The following SORCS2 variants were observed in gnomAD, a reference collection of about 807,000 sequenced individuals.
SORCS2 encodes VPS10 domain-containing receptor SorCS2.
A neutral mutation model predicts 141.6 loss-of-function variants in SORCS2; 100 were observed. The observed-to-expected ratio is 0.71, with a 90% confidence interval of 0.60 to 0.83. The LOEUF (loss-of-function observed/expected upper bound fraction) is 0.83. Among genes scored for constraint, SORCS2 ranks in the 40% least tolerant of loss-of-function variants. SORCS2 has a pLI of 0.00. For missense variants in SORCS2, 1,646 were observed against 1,560.2 expected, an observed-to-expected ratio of 1.05 and a Z score of -0.93; for synonymous variants, 789 against 676.9, an observed-to-expected ratio of 1.17 and a Z score of -2.57.
At chr4:7,544,726 A>G (rs1263038443) in intron 3 of SORCS2, among the ~76,000 whole-genome samples, 2 of 152,340 alleles carry the variant, frequency 1.3e-5, no homozygotes, top group Middle Eastern at 3.4e-3. Flanking sequence ...GGGCCCTTGC[A>G]GGCTCTGAGC....
chr4:7,629,215 C>T (rs1201388041), intron 3 of SORCS2, among the ~76,000 whole-genome samples: 1 of 151,952 alleles, frequency 6.6e-6, no homozygotes, highest in Non-Finnish European at 1.5e-5. Flanking sequence ...CACATCGTAA[C>T]CACAAGTGTA....
chr4:7,640,477 T>A (rs1011875378), intron 4 of SORCS2, among the ~76,000 whole-genome samples: 23 of 145,954 alleles, frequency 1.6e-4, no homozygotes, highest in African/African-American at 2.5e-4. Context: ...TGTGTGTGTG[T>A]GAGAGAGAGC....
At chr4:7,534,483 C>T (rs898618982) in intron 3 of SORCS2, among the ~76,000 whole-genome samples, 2 of 152,262 alleles carry the variant, frequency 1.3e-5, no homozygotes, top group African/African-American at 2.4e-5. Context: ...GTCCCGACCC[C>T]TGGAACGTGT....
At position 7,667,154 on chromosome 4, in the gene SORCS2, G is replaced by C; in HGVS notation, c.1102G>C (p.Val368Leu). The change falls in exon 8 of 27, where the codon GTC becomes CTC. Residue 368 changes from valine (V) to leucine (L), a missense_variant. Physicochemically the swap from Val to Leu is conservative, Grantham distance 32. Coordinates refer to ENST00000507866, the MANE Select transcript of SORCS2 (RefSeq NM_020777.3). Reference sequence around the variant, plus strand: ...ATCAGCAAACCAGACAAAATACTACGTCTCTTATCGTCGAAATGAATTTGT... The same window carrying C: ...ATCAGCAAACCAGACAAAATACTACCTCTCTTATCGTCGAAATGAATTTGT... ...ATSANQTKYY[V>L]SYRRNEFVLM... The C allele has an allele frequency of 6.2e-7, 1 of 1,613,672 alleles. No individual in the cohort carries two copies. Among genetic ancestry groups the C allele is most frequent in the Non-Finnish European group, 8.5e-7 (1 of 1,179,660 alleles).
intron 1 of SORCS2, among the ~76,000 whole-genome samples, chr4:7,282,202 T>G (rs939387029): frequency 8.5e-5 from 13 of 152,228 alleles, no homozygotes; most frequent in African/African-American, 1.2e-4. Flanking sequence ...TGCCGGCTGC[T>G]GCTGTTACCG....
intron 3 of SORCS2, among the ~76,000 whole-genome samples, chr4:7,636,603 C>T (rs933988848): frequency 3.3e-5 from 5 of 151,954 alleles, no homozygotes; most frequent in African/African-American, 9.7e-5. Flanking sequence ...TGTAGAGATG[C>T]GATGTCCCGA....
chr4:7,382,992 T>A (rs1460473945), intron 1 of SORCS2, among the ~76,000 whole-genome samples: 1 of 152,100 alleles, frequency 6.6e-6, no homozygotes, highest in Non-Finnish European at 1.5e-5. Context: ...ATTTTTTAAA[T>A]ACCAACACAG....
intron 1 of SORCS2, among the ~76,000 whole-genome samples, chr4:7,380,257 G>A (rs1028348552): frequency 6.6e-6 from 1 of 152,196 alleles, no homozygotes; most frequent in Non-Finnish European, 1.5e-5. Flanking sequence ...GCTTGTCTGG[G>A]GGCCCCAAGA....
chr4:7,499,687 G>GC (rs201820057), intron 2 of SORCS2, among the ~76,000 whole-genome samples: 3 of 140,298 alleles, frequency 2.1e-5, no homozygotes, highest in African/African-American at 9.7e-5. Flanking sequence ...GCTGAGCCAT[G>GC]CCCCGGGAGA....
At chr4:7,688,766 C>T (rs1028003825) in intron 10 of SORCS2, among the ~76,000 whole-genome samples, 6 of 152,146 alleles carry the variant, frequency 3.9e-5, no homozygotes, top group Admixed American at 6.5e-5. Flanking sequence ...CTTTTGGCAT[C>T]TGTTGGTTCA....
chr4:7,482,790 G>A (rs1404423453), intron 2 of SORCS2, among the ~76,000 whole-genome samples: 69 of 137,576 alleles, frequency 5.0e-4, no homozygotes, highest in Non-Finnish European at 8.0e-4. Flanking sequence ...GACACCCCTG[G>A]CTGCTGTTCA....
intron 14 of SORCS2, among the ~76,000 whole-genome samples, chr4:7,710,693 G>A (rs908852471): frequency 2.6e-5 from 4 of 152,190 alleles, no homozygotes; most frequent in African/African-American, 9.7e-5. Context: ...CGGGTGCCCT[G>A]GAGCCAAGAC....
chr4:7,718,249 A>T, intron 18 of SORCS2, 66 bp downstream of exon 18: 1 of 1,552,732 alleles, frequency 6.4e-7, no homozygotes, highest in Non-Finnish European at 8.7e-7. Flanking sequence ...CTGGGCACGC[A>T]GAAGGCACGG....
At chr4:7,432,246 C>A (rs77810263) in intron 2 of SORCS2, 22,111 of 152,120 alleles carry the variant, frequency 0.15, 1,869 homozygotes, top group Middle Eastern at 0.28. Context: ...AATAAAAACA[C>A]GGCACACGGC....
chr4:7,312,429 C>T (rs1560183805), intron 1 of SORCS2, among the ~76,000 whole-genome samples: 1 of 152,152 alleles, frequency 6.6e-6, no homozygotes, highest in Non-Finnish European at 1.5e-5. Context: ...CACAATGACC[C>T]CTCTGATGCC....
intron 3 of SORCS2, among the ~76,000 whole-genome samples, chr4:7,542,085 G>C (rs1712720673): frequency 1.3e-5 from 2 of 152,212 alleles, no homozygotes; most frequent in South Asian, 4.1e-4. Context: ...GCTCCAGAGA[G>C]AAGGAGCTTT....
intron 1 of SORCS2, among the ~76,000 whole-genome samples, chr4:7,377,213 G>A (rs1722711607): frequency 6.6e-6 from 1 of 152,052 alleles, no homozygotes; most frequent in Admixed American, 6.6e-5. Flanking sequence ...GAATGAAATG[G>A]TTATGCTATG....
At chr4:7,536,829 A>ATGTG (rs1220952427) in intron 3 of SORCS2, among the ~76,000 whole-genome samples, 6 of 6,402 alleles carry the variant, frequency 9.4e-4, no homozygotes, top group African/African-American at 1.3e-3. Context: ...CCATACTCAG[A>ATGTG]TGTGGGGGGG....
intron 1 of SORCS2, among the ~76,000 whole-genome samples, chr4:7,235,363 G>A (rs1712193729): frequency 6.6e-6 from 1 of 152,238 alleles, no homozygotes; most frequent in South Asian, 2.1e-4. Flanking sequence ...GATCTTTGGG[G>A]CAGGAACTGG....
Sources: gnomAD v4.1 joint callset for allele counts (sites outside exome capture counted in the v4.1 genomes callset) on GRCh38, gnomAD v4.1.1 for gene constraint, MANE v1.5 for transcripts, NCBI Gene and HGNC (gene_info 2026-07-23, HGNC 2026-07-21) for gene names.